The following RYR3 variants were observed in gnomAD, a reference collection of about 807,000 sequenced individuals.
RYR3 encodes ryanodine receptor 3, also known as brain ryanodine receptor-calcium release channel.
Under a neutral mutation model 584.3 loss-of-function variants are expected in RYR3, and 207 were observed. The ratio of observed to expected loss-of-function variants is 0.35; its 90% CI spans 0.32 to 0.40. The LOEUF (loss-of-function observed/expected upper bound fraction) is 0.40, where lower values mean the gene tolerates loss of function less well. RYR3 is among the 10% of genes least tolerant of loss of function. RYR3 has a pLI of 1.00. For missense variants in RYR3, 5,616 were observed against 6,089.2 expected (o/e 0.92, Z 2.59); for synonymous variants, 2,416 against 2,248.5 (o/e 1.07, Z -2.11).
At chr15:33,701,713 G>C (rs1249915510) in intron 42 of RYR3, among the ~76,000 whole-genome samples, 1 of 152,088 alleles carries the variant, frequency 6.6e-6, no homozygotes, top group South Asian at 2.1e-4. Context: ...ATTATGTAGG[G>C]GGTTTGGGAG....
At chr15:33,563,857 G>A (rs1175782983) in intron 11 of RYR3, among the ~76,000 whole-genome samples, 1 of 152,030 alleles carries the variant, frequency 6.6e-6, no homozygotes, top group Non-Finnish European at 1.5e-5. Context: ...TCCAGAAAAG[G>A]GGAAATGAAA....
intron 10 of RYR3, among the ~76,000 whole-genome samples, chr15:33,561,210 T>A (rs2057380545): frequency 6.6e-6 from 1 of 152,254 alleles, no homozygotes. Context: ...CCTTGATTTT[T>A]TTCATAGCCT....
At chr15:33,614,424 G>A (rs1041612275) in intron 19 of RYR3, among the ~76,000 whole-genome samples, 4 of 152,004 alleles carry the variant, frequency 2.6e-5, no homozygotes, top group African/African-American at 9.7e-5. Flanking sequence ...ATATGGGAAT[G>A]TCCAACTGAT....
intron 81 of RYR3, among the ~76,000 whole-genome samples, chr15:33,823,375 G>T (rs577441594): frequency 6.6e-6 from 1 of 152,130 alleles, no homozygotes; most frequent in Non-Finnish European, 1.5e-5. Context: ...CTCAGTGTGC[G>T]CATTGAGTTT....
At chr15:33,496,300 A>G (rs2051416709) in intron 2 of RYR3, among the ~76,000 whole-genome samples, 2 of 152,186 alleles carry the variant, frequency 1.3e-5, no homozygotes, top group Non-Finnish European at 2.9e-5. Context: ...AGCAGACATA[A>G]TGCCCCTGGA....
intron 3 of RYR3, among the ~76,000 whole-genome samples, chr15:33,516,462 GC>G (rs2053531619): frequency 6.6e-6 from 1 of 151,584 alleles, no homozygotes; most frequent in South Asian, 2.1e-4. Flanking sequence ...TCCTGCCTCA[GC>G]CCCCCGAGTA....
chr15:33,627,237 A>G (rs569754425), intron 20 of RYR3, among the ~76,000 whole-genome samples: 3 of 152,308 alleles, frequency 2.0e-5, no homozygotes, highest in Admixed American at 2.0e-4. Context: ...ATTTTATATG[A>G]AGTCTCCCAT....
chr15:33,397,611 G>A (rs1242024138), intron 1 of RYR3, among the ~76,000 whole-genome samples: 1 of 152,230 alleles, frequency 6.6e-6, no homozygotes, highest in Non-Finnish European at 1.5e-5. Context: ...GCATCTGTGA[G>A]CTGGATGAGC....
chr15:33,397,285 G>T (rs1300493091), intron 1 of RYR3, among the ~76,000 whole-genome samples: 2 of 152,172 alleles, frequency 1.3e-5, no homozygotes, highest in African/African-American at 2.4e-5. Flanking sequence ...TATTCAGCAG[G>T]TTACAAAAGG....
At chr15:33,642,108 G>A (rs926992380) in intron 27 of RYR3, among the ~76,000 whole-genome samples, 2 of 152,122 alleles carry the variant, frequency 1.3e-5, no homozygotes, top group Non-Finnish European at 1.5e-5. Flanking sequence ...GGAATGAAGA[G>A]GAGCTCAACA....
At chr15:33,530,233 A>C (rs949554819) in intron 3 of RYR3, among the ~76,000 whole-genome samples, 3 of 152,178 alleles carry the variant, frequency 2.0e-5, no homozygotes, top group Non-Finnish European at 1.5e-5. Context: ...TGGCTACATC[A>C]CATTTGTTTC....
chr15:33,581,510 A>G lies in RYR3; in HGVS notation c.1440A>G (p.Gly480=). ...KNRQNLFKEE[G]MLALVLNCID... ...TTTTCCTCCACTCTCCTTCTCAGGG[A>G]ATGTTGGCCCTTGTCTTAAATTGCA... The change falls in exon 14 of 104, where the codon GGA becomes GGG. Residue 480 remains glycine (G), a splice_region_variant and synonymous_variant. Coordinates refer to ENST00000634891, the MANE Select transcript of RYR3 (RefSeq NM_001036.6). 6.2e-7 allele frequency: 1 copy of G among 1,613,410 alleles called. No individual in the cohort carries two copies. Among genetic ancestry groups the G allele is most frequent in the Non-Finnish European group, 8.5e-7 (1 of 1,179,470 alleles).
intron 2 of RYR3, among the ~76,000 whole-genome samples, chr15:33,500,748 C>G (rs56704101): frequency 0.011 from 1,683 of 152,270 alleles, 24 homozygotes; most frequent in African/African-American, 0.038. Flanking sequence ...AGGGGACTCT[C>G]ATGGCTACAA....
intron 1 of RYR3, among the ~76,000 whole-genome samples, chr15:33,318,695 G>A (rs1236608011): frequency 6.6e-6 from 1 of 152,186 alleles, no homozygotes; most frequent in Non-Finnish European, 1.5e-5. Flanking sequence ...TGAGTTACCT[G>A]GGAGAAAGTG....
At chr15:33,789,629 T>C (rs1250987427) in intron 67 of RYR3, among the ~76,000 whole-genome samples, 1 of 15,162 alleles carries the variant, frequency 6.6e-5, no homozygotes, top group African/African-American at 2.5e-4. Flanking sequence ...TTATTTTATA[T>C]ATATATATAT....
At chr15:33,373,068 A>G (rs1567116364) in intron 1 of RYR3, among the ~76,000 whole-genome samples, 2 of 152,194 alleles carry the variant, frequency 1.3e-5, no homozygotes, top group Non-Finnish European at 2.9e-5. Context: ...TTCTCCTATC[A>G]GTGAATTTGT....
intron 43 of RYR3, among the ~76,000 whole-genome samples, chr15:33,720,368 C>T (rs971813453): frequency 6.6e-6 from 1 of 152,182 alleles, no homozygotes; most frequent in African/African-American, 2.4e-5. Flanking sequence ...ACAGCAAGCT[C>T]AGCTGCCACC....
intron 1 of RYR3, among the ~76,000 whole-genome samples, chr15:33,345,511 T>A (rs1029292162): frequency 6.6e-6 from 1 of 152,168 alleles, no homozygotes; most frequent in African/African-American, 2.4e-5. Flanking sequence ...CTTCTATAAA[T>A]GTTTTCACGA....
intron 64 of RYR3, among the ~76,000 whole-genome samples, chr15:33,775,144 C>T (rs548427515): frequency 6.6e-6 from 1 of 152,232 alleles, no homozygotes; most frequent in East Asian, 1.9e-4. Flanking sequence ...GATTGTGTAT[C>T]TGCAGCACCG....
Sources: gnomAD v4.1 joint callset for allele counts (sites outside exome capture counted in the v4.1 genomes callset) on GRCh38, gnomAD v4.1.1 for gene constraint, MANE v1.5 for transcripts, NCBI Gene and HGNC (gene_info 2026-07-23, HGNC 2026-07-21) for gene names.